CERS6: variants seen among roughly 807,000 people sequenced by gnomAD.
CERS6 encodes LAG1 homolog, ceramide synthase 6.
In CERS6, 26 loss-of-function variants were observed where a neutral mutation model predicts 56.8. The ratio of observed to expected loss-of-function variants is 0.46; its 90% confidence interval spans 0.34 to 0.63. The LOEUF (loss-of-function observed/expected upper bound fraction) is 0.63, where lower values mean the gene tolerates loss of function less well. CERS6 is among the 30% of genes least tolerant of loss of function. The pLI is 0.01. For synonymous variants in CERS6, 164 were observed against 173.3 expected, an observed-to-expected ratio of 0.95 and a Z score of 0.42; for missense variants, 415 against 467.5, an observed-to-expected ratio of 0.89 and a Z score of 1.04.
chr2:168,537,198 A>C (rs775639199), intron 1 of CERS6, among the ~76,000 whole-genome samples: 6 of 152,238 alleles, frequency 3.9e-5, no homozygotes, highest in Admixed American at 1.3e-4. Flanking sequence ...AGTGTAAAGC[A>C]AAGTATAAAG....
At chr2:168,731,279 C>T (rs183846224) in intron 8 of CERS6, among the ~76,000 whole-genome samples, 118 of 152,212 alleles carry the variant, frequency 7.8e-4, no homozygotes, top group Non-Finnish European at 9.4e-4. Flanking sequence ...CTAATTCTGT[C>T]GTGCTCTGCA....
chr2:168,539,747 C>T (rs1238960799), intron 1 of CERS6, among the ~76,000 whole-genome samples: 1 of 152,184 alleles, frequency 6.6e-6, no homozygotes, highest in African/African-American at 2.4e-5. Context: ...ATATTGGTAA[C>T]CAAGGACGTG....
At chr2:168,707,475 C>T (rs1686986086) in intron 6 of CERS6, among the ~76,000 whole-genome samples, 1 of 152,120 alleles carries the variant, frequency 6.6e-6, no homozygotes, top group Admixed American at 6.5e-5. Context: ...TCCAGATTTT[C>T]CTGTAAATAT....
At chr2:168,656,954 C>T (rs1685491065) in intron 4 of CERS6, among the ~76,000 whole-genome samples, 2 of 152,174 alleles carry the variant, frequency 1.3e-5, no homozygotes, top group South Asian at 2.1e-4. Flanking sequence ...CAAGGCCTCA[C>T]CAGAGCAGCT....
At chr2:168,695,187 C>T in intron 6 of CERS6, 136 bp downstream of exon 6, 3 of 640,412 alleles carry the variant, frequency 4.7e-6, no homozygotes, top group Non-Finnish European at 5.5e-6. Context: ...TGCGTTATTA[C>T]AGAAAGTTCT....
At chr2:168,549,245 GT>G (rs1695522138) in intron 2 of CERS6, among the ~76,000 whole-genome samples, 1 of 151,940 alleles carries the variant, frequency 6.6e-6, no homozygotes, top group African/African-American at 2.4e-5. Context: ...TGCAGTGGAT[GT>G]TTCACTTCCC....
At chr2:168,562,106 T>A (rs892369772) in intron 3 of CERS6, among the ~76,000 whole-genome samples, 1 of 152,222 alleles carries the variant, frequency 6.6e-6, no homozygotes, top group Non-Finnish European at 1.5e-5. Flanking sequence ...CTCAATTTCT[T>A]CTTTCGGGAG....
At chr2:168,659,036 A>G (rs950193369) in intron 4 of CERS6, among the ~76,000 whole-genome samples, 1 of 152,184 alleles carries the variant, frequency 6.6e-6, no homozygotes, top group Non-Finnish European at 1.5e-5. Flanking sequence ...TCTAGGAGAA[A>G]TTTTTCTCAG....
chr2:168,476,107 G>T (rs572400071), intron 1 of CERS6, among the ~76,000 whole-genome samples: 141 of 152,106 alleles, frequency 9.3e-4, no homozygotes, highest in Non-Finnish European at 1.6e-3. Flanking sequence ...TACAGAGAAA[G>T]AGTTGCAAAA....
At chr2:168,690,324 G>C (rs771079733) in intron 4 of CERS6, among the ~76,000 whole-genome samples, 1 of 152,146 alleles carries the variant, frequency 6.6e-6, no homozygotes, top group Non-Finnish European at 1.5e-5. Context: ...GAGAAAGTTT[G>C]TGCTGGTCTT....
chr2:168,565,438 T>C (rs767068977), intron 3 of CERS6, among the ~76,000 whole-genome samples: 1 of 152,174 alleles, frequency 6.6e-6, no homozygotes, highest in Non-Finnish European at 1.5e-5. Context: ...TGTTCAGAAA[T>C]ACTAAAAGGT....
At chr2:168,485,718 A>AT (rs1163655116) in intron 1 of CERS6, among the ~76,000 whole-genome samples, 1 of 152,176 alleles carries the variant, frequency 6.6e-6, no homozygotes, top group African/African-American at 2.4e-5. Flanking sequence ...CACCTTATAG[A>AT]TAAACAAGTC....
At chr2:168,460,373 T>C (rs1693757718) in intron 1 of CERS6, among the ~76,000 whole-genome samples, 1 of 152,020 alleles carries the variant, frequency 6.6e-6, no homozygotes, top group African/African-American at 2.4e-5. Flanking sequence ...TTTTTGTAAT[T>C]TTTTGTAGAG....
chr2:168,557,696 G>T (rs979980373), intron 2 of CERS6, among the ~76,000 whole-genome samples: 3 of 152,100 alleles, frequency 2.0e-5, no homozygotes, highest in Non-Finnish European at 2.9e-5. Context: ...GGAAACCTGG[G>T]AGAATCTTTT....
At chr2:168,737,574 A>G (rs899162252) in intron 8 of CERS6, among the ~76,000 whole-genome samples, 1 of 152,222 alleles carries the variant, frequency 6.6e-6, no homozygotes. Flanking sequence ...ACCCATGCTT[A>G]TGACTCCAGG....
chr2:168,637,159 C>T (rs1346567282), intron 4 of CERS6, among the ~76,000 whole-genome samples: 1 of 152,136 alleles, frequency 6.6e-6, no homozygotes, highest in African/African-American at 2.4e-5. Context: ...TTTGACCTGG[C>T]ACTCCAACTC....
At position 168,768,798 on chromosome 2, in the gene CERS6, C is replaced by T. The variant is rs185238871; in HGVS notation, c.1003-712C>T. Among the ~76,000 whole-genome samples the T allele has an allele frequency of 1.3e-4, 20 of 149,916 alleles. No homozygotes were observed. In the East Asian group the frequency reaches 2.6e-3, roughly 19 times the overall value. The stretch of plus-strand genomic sequence containing the variant: ...GCTCATGCCTGTAATCCTAGCTACT[C>T]GGGAGGCTAAGGCAGGAGAATTGCC... On this transcript the variant is annotated intron_variant, in intron 9 of 9. Coordinates refer to ENST00000305747, the MANE Select transcript of CERS6 (RefSeq NM_203463.3).
rs142256522 is a variant in CERS6, at chr2:168,532,057, G to A, written c.171-15539G>A. ...TATTAAACTGCTTTCCAACAATCTA[G>A]GCTCAGAGTAGGTGCACCTGGGATA... On this transcript the variant is annotated intron_variant, in intron 1 of 9. Coordinates refer to ENST00000305747, the MANE Select transcript of CERS6 (RefSeq NM_203463.3). 1.6e-4 allele frequency among the ~76,000 whole-genome samples: 24 copies of A among 152,228 alleles called. No homozygotes were observed. The East Asian group carries it at 4.2e-3, about 27-fold the overall frequency.
chr2:168,749,143 T>A (rs1479688743), intron 8 of CERS6, among the ~76,000 whole-genome samples: 4 of 152,076 alleles, frequency 2.6e-5, no homozygotes, highest in African/African-American at 9.7e-5. Context: ...GATTTCACAG[T>A]CCCTAGGCAG....
Sources: allele counts gnomAD v4.1 joint callset (sites outside exome capture counted in the v4.1 genomes callset), GRCh38; gene constraint gnomAD v4.1.1; transcripts MANE v1.5; gene names NCBI Gene and HGNC (gene_info 2026-07-23, HGNC 2026-07-21).